TMEM100: variants seen among roughly 807,000 people sequenced by gnomAD.
TMEM100 encodes the protein transmembrane protein 100.
For missense variants in TMEM100, 137 were observed against 168.2 expected (o/e 0.81, Z 1.02); for synonymous variants, 61 against 67.1 (o/e 0.91, Z 0.44).
intron 1 of TMEM100, among the ~76,000 whole-genome samples, chr17:55,730,901 G>T (rs1341832103): frequency 1.3e-5 from 2 of 152,100 alleles, no homozygotes; most frequent in Non-Finnish European, 2.9e-5. Context: ...TCTCCTTCTT[G>T]TTTACTTAAA....
chr17:55,726,605 C>A (rs754633707), upstream of TMEM100, among the ~76,000 whole-genome samples: 38 of 152,144 alleles, frequency 2.5e-4, no homozygotes, highest in Non-Finnish European at 2.9e-4. Context: ...TAATTTCCAG[C>A]AGCCTTGAGG....
chr17:55,724,769 G>C (rs528829039), upstream of TMEM100, among the ~76,000 whole-genome samples: 1 of 152,326 alleles, frequency 6.6e-6, no homozygotes, highest in South Asian at 2.1e-4. Context: ...TGAACGTCTA[G>C]AGAGAGGACA....
At chr17:55,723,123 C>T (rs963806388), upstream of TMEM100, 1 of 152,726 alleles carries the variant, frequency 6.5e-6, no homozygotes, top group East Asian at 1.9e-4. Context: ...TTTCCCCCGC[C>T]GACCTCCAGA....
intron 1 of TMEM100, among the ~76,000 whole-genome samples, chr17:55,730,738 CA>C (rs1909183806): frequency 1.3e-5 from 2 of 152,168 alleles, no homozygotes; most frequent in Non-Finnish European, 2.9e-5. Flanking sequence ...TAGTAGGAAA[CA>C]GAACACTTTG....
intron 1 of TMEM100, among the ~76,000 whole-genome samples, chr17:55,731,049 C>T (rs906764095): frequency 3.3e-5 from 5 of 152,084 alleles, no homozygotes; most frequent in African/African-American, 9.7e-5. Context: ...AGAAGGGCAC[C>T]GAGTCTACTT....
At chr17:55,731,261 G>A (rs1196441761) in intron 1 of TMEM100, among the ~76,000 whole-genome samples, 1 of 152,248 alleles carries the variant, frequency 6.6e-6, no homozygotes, top group East Asian at 1.9e-4. Context: ...TTTTTACAGC[G>A]CTAATAGGGC....
upstream of TMEM100, among the ~76,000 whole-genome samples, chr17:55,725,391 A>G (rs1003533618): frequency 2.0e-4 from 30 of 152,164 alleles, no homozygotes; most frequent in African/African-American, 7.2e-4. Flanking sequence ...CTTTTCTCAA[A>G]GCCTCCAATG....
At chr17:55,722,595 T>C (rs942587904) in intron 1 of TMEM100, 24 bp downstream of exon 1, 3 of 152,222 alleles carry the variant, frequency 2.0e-5, no homozygotes, top group Admixed American at 2.0e-4. Flanking sequence ...AATCAAGATC[T>C]GTCCCCAAAT....
At chr17:55,726,300 A>G (rs1222716090), upstream of TMEM100, among the ~76,000 whole-genome samples, 2 of 152,148 alleles carry the variant, frequency 1.3e-5, no homozygotes, top group Non-Finnish European at 2.9e-5. Flanking sequence ...AATGAAAGAC[A>G]AAGTTACTTA....
intron 1 of TMEM100, among the ~76,000 whole-genome samples, chr17:55,729,020 C>T (rs988176630): frequency 2.0e-5 from 3 of 152,164 alleles, no homozygotes; most frequent in Admixed American, 6.5e-5. Context: ...AAAATAAGAC[C>T]GGAAATAGTT....
chr17:55,720,692 C>A lies in TMEM100; in HGVS notation c.379G>T (p.Ala127Ser), dbSNP rs1337535781. The change falls in exon 2 of 2, where the codon GCA becomes TCA. Residue 127 changes from alanine (A) to serine (S), a missense_variant. By Grantham distance (99) the Ala-to-Ser change is moderately conservative. Transcript: ENST00000424486. The part of the protein sequence containing the change: ...KRRESQTALV[A>S]NQRSLFA ...CAAGCAAACAAGCTTCTCTGATTTG[C>A]CACGAGAGCTGTTTGACTCTCCCGT... The A allele has an allele frequency of 6.2e-7, 1 of 1,610,458 alleles. No individual in the cohort carries two copies. Among genetic ancestry groups the A allele is most frequent in the East Asian group, 2.2e-5 (1 of 44,884 alleles).
In TMEM100 at chr17:55,720,742, C is replaced by T. The variant is rs1908847424; in HGVS notation, c.329G>A (p.Arg110Lys). 1 of 1,614,062 alleles carries T rather than the reference C, an allele frequency of 6.2e-7. No homozygotes were observed. Among genetic ancestry groups the T allele is most frequent in the South Asian group, 1.1e-5 (1 of 91,082 alleles). The stretch of plus-strand genomic sequence containing the variant: ...TCTCTTGGCTTTCTTGCTCCTTTGT[C>T]TCACTTTCCAGCACAAGGCACTGGA... ...LASSALCWKVRQRSKKAKRRE... is the reference protein window; with the variant it reads ...LASSALCWKVKQRSKKAKRRE... The change falls in exon 2 of 2, where the codon AGA becomes AAA. Residue 110 changes from arginine to lysine, a missense_variant. By Grantham distance (26) the Arg-to-Lys change is conservative. Coordinates refer to ENST00000424486, the MANE Select transcript of TMEM100 (RefSeq NM_018286.3).
rs1002352607 is a variant in TMEM100 at position 55,722,694 on chromosome 17, C to G, written c.-141G>C. 1 of 152,192 alleles carries G rather than the reference C, an allele frequency of 6.6e-6. No individual in the cohort carries two copies. The highest frequency in any genetic ancestry group is 1.5e-5 in the Non-Finnish European group (1 of 68,054). The allele number at this position is 152,192 out of a possible 1,614,324, so 9.4% of individuals were successfully genotyped here. A position where few individuals can be genotyped will look rare whatever the true frequency, so the allele number is the denominator to read the frequency against. On this transcript the variant is annotated 5_prime_UTR_variant, in exon 1 of 2. Coordinates refer to ENST00000424486, the MANE Select transcript of TMEM100 (RefSeq NM_018286.3). ...AGAAACAGCAACGCCTGAGCCTCTT[C>G]GTCCAACTTCTGGGAAAGAGCCTCT...
chr17:55,729,019 C>T (rs971121073), intron 1 of TMEM100, among the ~76,000 whole-genome samples: 2 of 152,152 alleles, frequency 1.3e-5, no homozygotes, highest in Non-Finnish European at 2.9e-5. Context: ...CAAAATAAGA[C>T]CGGAAATAGT....
intron 1 of TMEM100, chr17:55,721,340 A>G: frequency 2.5e-6 from 1 of 399,732 alleles, no homozygotes; most frequent in Non-Finnish European, 4.4e-6. Flanking sequence ...GAAGACAGAA[A>G]AAGCAGGAAG....
chr17:55,730,314 A>C (rs181751112), intron 1 of TMEM100, among the ~76,000 whole-genome samples: 1 of 152,350 alleles, frequency 6.6e-6, no homozygotes, highest in East Asian at 1.9e-4. Flanking sequence ...GGATTATTTT[A>C]AAGTACCCAG....
At position 55,720,391 on chromosome 17, in the gene TMEM100, G is replaced by C. The variant is rs1403676202; in HGVS notation, c.*275C>G. The stretch of plus-strand genomic sequence containing the variant: ...TACTTTACAGGGTGAACCAAATACT[G>C]TCTAATGCTGTGCACTCCCATGACC... On this transcript the variant is annotated 3_prime_UTR_variant, in exon 2 of 2. Transcript: ENST00000424486. The C allele has an allele frequency of 3.6e-5, 16 of 449,550 alleles. No individual in the cohort carries two copies. Among genetic ancestry groups the C allele is most frequent in the Admixed American group, 1.6e-4 (4 of 25,188 alleles). The allele number at this position is 449,550 out of a possible 1,614,324, so 27.8% of individuals were successfully genotyped here.
chr17:55,727,820 T>G (rs1007234497), upstream of TMEM100: 2 of 152,262 alleles, frequency 1.3e-5, no homozygotes, highest in African/African-American at 4.8e-5. Flanking sequence ...TAGCCTTGTC[T>G]CAGTTAGGTA....
At chr17:55,726,847 C>CT (rs772584501), upstream of TMEM100, among the ~76,000 whole-genome samples, 13 of 152,108 alleles carry the variant, frequency 8.5e-5, no homozygotes, top group Non-Finnish European at 1.9e-4. Flanking sequence ...TCCTCCTTTT[C>CT]TTTTTTTCTC....
Sources: allele counts gnomAD v4.1 joint callset (sites outside exome capture counted in the v4.1 genomes callset), GRCh38; gene constraint gnomAD v4.1.1; transcripts MANE v1.5; gene names NCBI Gene and HGNC (gene_info 2026-07-23, HGNC 2026-07-21).